Variants in RTN4 observed in about 807,000 individuals in gnomAD.
The protein encoded by RTN4 is reticulon 4.
RTN4 carries 32 observed loss-of-function variants against 90.4 expected under a neutral mutation model. The observed-to-expected ratio is 0.35, with a 90% CI of 0.27 to 0.48. The LOEUF (loss-of-function observed/expected upper bound fraction) is 0.48. Ranked by LOEUF, RTN4 falls within the 20% of genes least tolerant of loss-of-function variation. RTN4 has a pLI of 0.99. For missense variants in RTN4, 1,706 were observed against 1,430.2 expected, an observed-to-expected ratio of 1.19 and a Z score of -3.11; for synonymous variants, 629 against 552.5, an observed-to-expected ratio of 1.14 and a Z score of -1.94.
upstream of RTN4, among the ~76,000 whole-genome samples, chr2:55,113,611 C>G (rs1024575511): frequency 2.6e-5 from 4 of 152,180 alleles, no homozygotes; most frequent in Admixed American, 2.0e-4. Flanking sequence ...ACCTCTCACT[C>G]CGGACCTGTA....
chr2:55,026,132 G>C lies in RTN4; in HGVS notation c.1967C>G (p.Pro656Arg), dbSNP rs759173949. 1.9e-6 allele frequency: 3 copies of C among 1,613,392 alleles called. No individual in the cohort carries two copies. In the South Asian group the frequency reaches 3.3e-5, roughly 18 times the overall value. Residue 656 changes from proline (P) to arginine (R), a missense_variant, in exon 3 of 9, where the codon CCC (proline) becomes CGC (arginine). By Grantham distance (103) the Pro-to-Arg change is moderately radical. Transcript: ENST00000337526. The part of the protein sequence containing the change: ...YESIKHEPEN[P>R]PPYEEAMSVS... ...ACTCATGGCCTCTTCATATGGTGGG[G>C]GGTTTTCAGGCTCATGTTTTATGCT...
chr2:54,974,837 TCC>T, intron 5 of RTN4, 73 bp from the exon 6 acceptor site: 1 of 1,331,260 alleles, frequency 7.5e-7, no homozygotes, highest in Non-Finnish European at 1.1e-6. Flanking sequence ...TTCAAAAGCA[TCC>T]CATCTAAATG....
At chr2:55,042,679 T>C (rs895130426) in intron 1 of RTN4, among the ~76,000 whole-genome samples, 2 of 152,180 alleles carry the variant, frequency 1.3e-5, no homozygotes, top group Non-Finnish European at 2.9e-5. Flanking sequence ...TTTCGTAAGA[T>C]TTGGGATTTT....
intron 1 of RTN4, 78 bp downstream of exon 1, chr2:55,049,667 G>C: frequency 6.6e-7 from 1 of 1,522,222 alleles, no homozygotes; most frequent in Non-Finnish European, 8.8e-7. Context: ...GGAGGGACCA[G>C]CCCAAAGCAT....
the RTN4 span, among the ~76,000 whole-genome samples, chr2:55,123,276 TA>T: frequency 1.3e-5 from 2 of 152,160 alleles, no homozygotes; most frequent in Non-Finnish European, 2.9e-5. Flanking sequence ...AAGGAAACAT[TA>T]AAGTGTCACT....
chr2:55,076,639 A>T (rs1339555878), intron 2 of RTN4, among the ~76,000 whole-genome samples: 1 of 151,930 alleles, frequency 6.6e-6, no homozygotes, highest in East Asian at 1.9e-4. Flanking sequence ...ACCTCAGATG[A>T]TCTGCCTGCC....
At chr2:55,057,099 A>G (rs1250618203) in intron 2 of RTN4, among the ~76,000 whole-genome samples, 1 of 152,256 alleles carries the variant, frequency 6.6e-6, no homozygotes, top group East Asian at 1.9e-4. Flanking sequence ...AAGCCCATCC[A>G]TGGATGTCAA....
intron 3 of RTN4, among the ~76,000 whole-genome samples, chr2:55,005,798 C>T (rs1235707304): frequency 6.6e-6 from 1 of 152,152 alleles, no homozygotes; most frequent in African/African-American, 2.4e-5. Flanking sequence ...GTTTCATCTA[C>T]ATGTTATACC....
At chr2:54,993,978 C>G (rs1421193649) in intron 3 of RTN4, among the ~76,000 whole-genome samples, 1 of 152,152 alleles carries the variant, frequency 6.6e-6, no homozygotes, top group Non-Finnish European at 1.5e-5. Context: ...TTAGTTGATA[C>G]CAAACAGTGT....
rs181650758 is a variant in RTN4, at chr2:54,984,901, T to A, written c.3222-2248A>T. ...CAGGAGGATTGCTTGAGTCCAGGAGTTCGAGACTAGCCTGGGCGACACAGT... is the reference window on the plus strand; with the variant it reads ...CAGGAGGATTGCTTGAGTCCAGGAGATCGAGACTAGCCTGGGCGACACAGT... On this transcript the variant is annotated intron_variant, in intron 4 of 8. Transcript: ENST00000337526. Among the ~76,000 whole-genome samples, 13 of 152,214 alleles carry A rather than the reference T, an allele frequency of 8.5e-5. No individual in the cohort carries two copies. In the East Asian group the frequency reaches 2.1e-3, roughly 25 times the overall value.
intron 1 of RTN4, 178 bp downstream of exon 1, chr2:55,049,567 A>G: frequency 9.6e-7 from 1 of 1,042,668 alleles, no homozygotes; most frequent in South Asian, 1.4e-5. Context: ...CCCGGGCTCC[A>G]AGGGCCGCCC....
At chr2:55,104,009 TA>T (rs1397458125) in intron 1 of RTN4, among the ~76,000 whole-genome samples, 3 of 151,842 alleles carry the variant, frequency 2.0e-5, no homozygotes, top group African/African-American at 7.3e-5. Flanking sequence ...TGTAGCTTTT[TA>T]TATGTAAATT....
chr2:55,030,961 C>T (rs1682269313), intron 1 of RTN4, among the ~76,000 whole-genome samples: 1 of 152,100 alleles, frequency 6.6e-6, no homozygotes, highest in Non-Finnish European at 1.5e-5. Flanking sequence ...TAATGTGGGA[C>T]AGGTACTGTG....
intron 1 of RTN4, among the ~76,000 whole-genome samples, chr2:55,089,401 C>A (rs956529665): frequency 7.9e-5 from 12 of 152,174 alleles, no homozygotes; most frequent in African/African-American, 2.9e-4. Context: ...TGGGCTAGAG[C>A]AGGGTCTCTG....
chr2:55,101,811 G>T (rs1286074691), intron 1 of RTN4, among the ~76,000 whole-genome samples: 1 of 152,060 alleles, frequency 6.6e-6, no homozygotes, highest in Non-Finnish European at 1.5e-5. Flanking sequence ...AATTTTGTAT[G>T]TTAAAGTGAA....
At chr2:55,065,864 G>A (rs1668380631) in intron 2 of RTN4, among the ~76,000 whole-genome samples, 1 of 152,186 alleles carries the variant, frequency 6.6e-6, no homozygotes, top group Non-Finnish European at 1.5e-5. Context: ...CTTGTGGGAT[G>A]CTGGAACTAC....
At chr2:55,038,680 T>C (rs1054530893) in intron 1 of RTN4, among the ~76,000 whole-genome samples, 4 of 152,214 alleles carry the variant, frequency 2.6e-5, no homozygotes, top group African/African-American at 9.6e-5. Context: ...GTGGAAGTGG[T>C]TGGGGGAACA....
intron 2 of RTN4, among the ~76,000 whole-genome samples, chr2:55,075,323 A>G (rs1360425477): frequency 6.6e-6 from 1 of 152,250 alleles, no homozygotes; most frequent in African/African-American, 2.4e-5. Context: ...AACCCCTTTT[A>G]CAATTGTTGC....
chr2:55,010,100 A>G (rs201117484), intron 3 of RTN4: 2 of 1,613,578 alleles, frequency 1.2e-6, no homozygotes, highest in Non-Finnish European at 1.7e-6. Context: ...TGTCCTTCCA[A>G]TTTTTCTTCT....
Sources: gnomAD v4.1 joint callset for allele counts (sites outside exome capture counted in the v4.1 genomes callset) on GRCh38, gnomAD v4.1.1 for gene constraint, MANE v1.5 for transcripts, NCBI Gene and HGNC (gene_info 2026-07-23, HGNC 2026-07-21) for gene names.